Variants in TEX10 observed in about 807,000 individuals in gnomAD.
TEX10 encodes the protein testis expressed 10.
In TEX10, 24 loss-of-function variants were observed where a neutral mutation model predicts 104.4. The observed-to-expected ratio is 0.23, with a 90% CI of 0.17 to 0.32. The LOEUF (loss-of-function observed/expected upper bound fraction) is 0.32. Among genes scored for constraint, TEX10 ranks in the 10% least tolerant of loss-of-function variants. The pLI is 1.00. For missense variants in TEX10, 921 were observed against 1,083.9 expected (o/e 0.85, Z 2.11); for synonymous variants, 396 against 393.4 (o/e 1.01, Z -0.08).
intron 4 of TEX10, among the ~76,000 whole-genome samples, chr9:100,341,070 G>A (rs1017586874): frequency 3.3e-5 from 5 of 151,990 alleles, no homozygotes; most frequent in East Asian, 1.9e-4. Flanking sequence ...AGATTGAAGC[G>A]ATTCTCATGC....
At chr9:100,316,150 T>A (rs538396718) in intron 11 of TEX10, among the ~76,000 whole-genome samples, 22 of 152,228 alleles carry the variant, frequency 1.4e-4, no homozygotes, top group African/African-American at 5.3e-4. Context: ...GCAAATCAAC[T>A]CTAAAAGCAC....
chr9:100,310,162 A>T (rs1834237501), intron 12 of TEX10, 137 bp downstream of exon 12: 1 of 700,218 alleles, frequency 1.4e-6, no homozygotes, highest in East Asian at 2.9e-5. Context: ...GTTCTTGCCA[A>T]TGCATCATGC....
At position 100,332,401 on chromosome 9, in the gene TEX10, T is replaced by C. The variant is rs574717974; in HGVS notation, c.1251-2232A>G. 7.9e-5 allele frequency among the ~76,000 whole-genome samples: 12 copies of C among 152,332 alleles called. No individual in the cohort carries two copies. In the East Asian group the frequency reaches 2.3e-3, roughly 29 times the overall value. On this transcript the variant is annotated intron_variant, in intron 5 of 14. Coordinates refer to ENST00000374902, the MANE Select transcript of TEX10 (RefSeq NM_017746.4). Reference sequence around the variant, plus strand: ...ACATCTGCAAACTTGGGAGAGTTCCTTCTGCTCCTCCAATAACATATACAG... The same window carrying C: ...ACATCTGCAAACTTGGGAGAGTTCCCTCTGCTCCTCCAATAACATATACAG...
chr9:100,326,362 C>T lies in TEX10; in HGVS notation c.1919G>A (p.Cys640Tyr). 2 of 1,614,006 alleles carry T rather than the reference C, an allele frequency of 1.2e-6. No individual in the cohort carries two copies. The highest frequency in any genetic ancestry group is 2.2e-5 in the East Asian group (1 of 44,868). Reference sequence around the variant, plus strand: ...ACTTGAACTGAGTCTTCCCATAATACAGCAACGACTTAACCGAGAAAGCAA... The same window carrying T: ...ACTTGAACTGAGTCTTCCCATAATATAGCAACGACTTAACCGAGAAAGCAA... Reference protein sequence around the residue: ...ADLLSRLSRCCIMGRLSSSLA... With the variant: ...ADLLSRLSRCYIMGRLSSSLA... Residue 640 changes from cysteine to tyrosine, a missense_variant, in exon 9 of 15, where the codon TGT becomes TAT. Coordinates refer to ENST00000374902, the MANE Select transcript of TEX10 (RefSeq NM_017746.4).
intron 13 of TEX10, chr9:100,304,124 C>A: frequency 2.1e-6 from 1 of 471,098 alleles, no homozygotes; most frequent in Non-Finnish European, 3.9e-6. Context: ...GAAAAACATT[C>A]CATGCTCATG....
chr9:100,314,029 T>C (rs1342430630), intron 11 of TEX10, among the ~76,000 whole-genome samples: 2 of 152,094 alleles, frequency 1.3e-5, no homozygotes, highest in East Asian at 1.9e-4. Context: ...TTTTGTACAT[T>C]TGGCAGAATT....
chr9:100,317,397 G>C (rs1467653479), intron 11 of TEX10, among the ~76,000 whole-genome samples: 1 of 152,072 alleles, frequency 6.6e-6, no homozygotes, highest in Admixed American at 6.6e-5. Context: ...ACTGGAGATA[G>C]GACAACTTTT....
intron 7 of TEX10, among the ~76,000 whole-genome samples, chr9:100,328,186 T>C (rs922958201): frequency 4.6e-5 from 7 of 152,318 alleles, no homozygotes; most frequent in Middle Eastern, 3.4e-3. Flanking sequence ...AGTATCTAAA[T>C]TGTATTTTTA....
intron 5 of TEX10, among the ~76,000 whole-genome samples, chr9:100,339,288 T>C (rs1036298368): frequency 7.6e-6 from 1 of 131,422 alleles, no homozygotes; most frequent in African/African-American, 2.9e-5. Context: ...TATATATATA[T>C]ATACATATAT....
At chr9:100,347,430 A>G in intron 2 of TEX10, 24 bp from the exon 3 acceptor site, 1 of 1,522,050 alleles carries the variant, frequency 6.6e-7, no homozygotes, top group Non-Finnish European at 8.8e-7. Context: ...TACAAATTTT[A>G]GATGTATACT....
chr9:100,340,426 A>G (rs1366557585), intron 4 of TEX10, 57 bp from the exon 5 acceptor site: 3 of 1,080,596 alleles, frequency 2.8e-6, no homozygotes, highest in Admixed American at 2.8e-5. Context: ...AATAAGCAAT[A>G]AAACTTGAAG....
intron 11 of TEX10, among the ~76,000 whole-genome samples, chr9:100,314,940 T>C (rs1282256731): frequency 1.3e-5 from 2 of 152,208 alleles, no homozygotes; most frequent in Non-Finnish European, 2.9e-5. Context: ...TTCTAAAATG[T>C]TTTGAATTTC....
intron 11 of TEX10, among the ~76,000 whole-genome samples, chr9:100,314,085 TTTTC>T (rs1834351052): frequency 8.5e-6 from 1 of 117,638 alleles, no homozygotes; most frequent in East Asian, 3.4e-4. Flanking sequence ...CTTTGGAGAT[TTTTC>T]TTTTTTTTTT....
intron 4 of TEX10, among the ~76,000 whole-genome samples, chr9:100,343,336 C>CAAAAA (rs754079763): frequency 8.5e-6 from 1 of 118,302 alleles, no homozygotes. Context: ...TAAGGGAATG[C>CAAAAA]AAAAAAAAAA....
At chr9:100,350,832 G>C (rs1364338535) in intron 1 of TEX10, among the ~76,000 whole-genome samples, 3 of 152,158 alleles carry the variant, frequency 2.0e-5, no homozygotes, top group Admixed American at 6.5e-5. Context: ...GGTTATATTA[G>C]ATCGCCATGA....
intron 1 of TEX10, chr9:100,352,538 G>A: frequency 1.3e-6 from 2 of 1,548,426 alleles, no homozygotes; most frequent in Non-Finnish European, 1.7e-6. Flanking sequence ...CCCGAAACCA[G>A]GCGAACCCGC....
intron 7 of TEX10, among the ~76,000 whole-genome samples, chr9:100,328,331 T>A (rs1834761241): frequency 6.6e-6 from 1 of 152,226 alleles, no homozygotes; most frequent in African/African-American, 2.4e-5. Flanking sequence ...TTCTTTAGAA[T>A]ACTTGCTGGA....
chr9:100,324,741 A>G (rs1588173924), intron 9 of TEX10, among the ~76,000 whole-genome samples: 1 of 152,228 alleles, frequency 6.6e-6, no homozygotes, highest in Non-Finnish European at 1.5e-5. Flanking sequence ...ATTTCAAGAA[A>G]CATTCAAGGG....
intron 13 of TEX10, among the ~76,000 whole-genome samples, 179 bp downstream of exon 13, chr9:100,308,321 A>G (rs909814987): frequency 6.6e-6 from 1 of 152,188 alleles, no homozygotes; most frequent in Non-Finnish European, 1.5e-5. Context: ...AATTTTCACT[A>G]CAACACAAAG....
Sources: gnomAD v4.1 joint callset for allele counts (sites outside exome capture counted in the v4.1 genomes callset) on GRCh38, gnomAD v4.1.1 for gene constraint, MANE v1.5 for transcripts, NCBI Gene and HGNC (gene_info 2026-07-23, HGNC 2026-07-21) for gene names.